PTPRN2: variants seen among roughly 807,000 people sequenced by gnomAD.
The protein encoded by PTPRN2 is protein tyrosine phosphatase receptor type N2, also known as receptor-type tyrosine-protein phosphatase N2.
PTPRN2 carries 74 observed loss-of-function variants against 118.8 expected under a neutral mutation model. The observed-to-expected ratio is 0.62, with a 90% confidence interval of 0.52 to 0.76. The LOEUF (loss-of-function observed/expected upper bound fraction) is 0.76. Ranked by LOEUF, PTPRN2 falls within the 30% of genes least tolerant of loss-of-function variation. The probability of loss-of-function intolerance (pLI) is 0.00; values close to 1 mark genes in which losing one functional copy is unlikely to be tolerated. For missense variants in PTPRN2, 1,481 were observed against 1,394.4 expected, an observed-to-expected ratio of 1.06 and a Z score of -0.99; for synonymous variants, 641 against 608.0, an observed-to-expected ratio of 1.05 and a Z score of -0.80.
At chr7:158,088,102 A>T (rs111583270) in intron 10 of PTPRN2, among the ~76,000 whole-genome samples, 1 of 59,058 alleles carries the variant, frequency 1.7e-5, no homozygotes, top group Non-Finnish European at 5.2e-5. Context: ...GGGAGTCTTC[A>T]CACAAACCTT....
At chr7:158,072,098 GTATGGAGGTGCTCATGGT>G (rs1486991208) in intron 11 of PTPRN2, among the ~76,000 whole-genome samples, 2 of 125,896 alleles carry the variant, frequency 1.6e-5, no homozygotes, top group African/African-American at 5.7e-5. Flanking sequence ...GGTGCTCGTA[GTATGGAGGTGCTCATGGT>G]GGTGGAGGTG....
intron 5 of PTPRN2, among the ~76,000 whole-genome samples, chr7:158,179,752 G>A (rs1158423918): frequency 6.6e-6 from 1 of 152,152 alleles, no homozygotes; most frequent in Non-Finnish European, 1.5e-5. Flanking sequence ...TTAAAACAGG[G>A]CCAAGGTGGA....
intron 11 of PTPRN2, among the ~76,000 whole-genome samples, chr7:158,032,123 C>T (rs539910591): frequency 2.0e-5 from 3 of 152,224 alleles, no homozygotes; most frequent in Non-Finnish European, 4.4e-5. Flanking sequence ...GCTTCCCTTT[C>T]GGAAACCTGC....
chr7:158,524,117 A>AGTC (rs200623300), intron 1 of PTPRN2, among the ~76,000 whole-genome samples: 1 of 65,536 alleles, frequency 1.5e-5, no homozygotes, highest in Non-Finnish European at 2.9e-5. Flanking sequence ...CCTGGAGTGG[A>AGTC]GTCTGCCCTG....
intron 11 of PTPRN2, among the ~76,000 whole-genome samples, chr7:158,057,431 T>A (rs559270181): frequency 6.6e-6 from 1 of 152,272 alleles, no homozygotes; most frequent in South Asian, 2.1e-4. Context: ...AGGACAAGCA[T>A]TTGGATTCCA....
At chr7:157,657,247 AT>A (rs1795561842) in intron 13 of PTPRN2, among the ~76,000 whole-genome samples, 1 of 109,094 alleles carries the variant, frequency 9.2e-6, no homozygotes, top group Non-Finnish European at 1.9e-5. Context: ...CACCACACAC[AT>A]CACACATATA....
intron 12 of PTPRN2, 62 bp downstream of exon 12, chr7:157,898,611 T>C (rs1797265902): frequency 1.4e-6 from 2 of 1,476,564 alleles, no homozygotes; most frequent in Admixed American, 1.7e-5. Context: ...TCTCACGGTG[T>C]TCGCCAGCAC....
At chr7:157,769,233 C>T (rs965213282) in intron 12 of PTPRN2, among the ~76,000 whole-genome samples, 4 of 152,098 alleles carry the variant, frequency 2.6e-5, no homozygotes, top group African/African-American at 7.2e-5. Context: ...CAACACATGC[C>T]GGTGATTTAT....
At chr7:158,362,637 T>TAAAG (rs1391607866) in intron 2 of PTPRN2, among the ~76,000 whole-genome samples, 1 of 152,170 alleles carries the variant, frequency 6.6e-6, no homozygotes, top group Non-Finnish European at 1.5e-5. Context: ...GTTTCTCTGC[T>TAAAG]AAAGATATAT....
At chr7:157,720,477 G>A (rs1238859253) in intron 12 of PTPRN2, among the ~76,000 whole-genome samples, 1 of 152,354 alleles carries the variant, frequency 6.6e-6, no homozygotes, top group Non-Finnish European at 1.5e-5. Flanking sequence ...CGGGTCAAGG[G>A]CAAATCCCAG....
chr7:158,313,126 C>A (rs187623672), intron 3 of PTPRN2, among the ~76,000 whole-genome samples: 172 of 151,420 alleles, frequency 1.1e-3, no homozygotes, highest in African/African-American at 3.9e-3. Context: ...GCAAATGTGT[C>A]TGTGTCTACA....
chr7:157,771,653 ACAGT>A (rs200818026), intron 12 of PTPRN2, among the ~76,000 whole-genome samples: 46 of 152,306 alleles, frequency 3.0e-4, no homozygotes, highest in African/African-American at 8.2e-4. Context: ...GTGCACACAC[ACAGT>A]CAGAGACACA....
rs922365223 is a variant in PTPRN2 at position 157,779,324 on chromosome 7, T to G, written c.1789-96387A>C. 6.6e-6 allele frequency among the ~76,000 whole-genome samples: 1 copy of G among 152,170 alleles called. No homozygotes were observed. Among genetic ancestry groups the G allele is most frequent in the Non-Finnish European group, 1.5e-5 (1 of 68,030 alleles). On this transcript the variant is annotated intron_variant, in intron 12 of 22. Coordinates refer to ENST00000389418, the MANE Select transcript of PTPRN2 (RefSeq NM_002847.5). The surrounding 1 kb of genome is among the most constrained non-coding windows in gnomAD (Gnocchi z 4.7). ...CTAACTGTTGCTACTCTTGGTGACC[T>G]GAGGTGAAAGGTCACGTGCTGGTCG... is the stretch of plus-strand genomic sequence containing the variant.
intron 12 of PTPRN2, among the ~76,000 whole-genome samples, chr7:157,684,665 C>A (rs987819351): frequency 7.3e-5 from 11 of 151,588 alleles, no homozygotes; most frequent in African/African-American, 2.7e-4. Context: ...GCCGCGCGAC[C>A]CAGCCCCAGA....
chr7:158,581,237 T>C (rs1000847472), intron 1 of PTPRN2, among the ~76,000 whole-genome samples: 1 of 152,236 alleles, frequency 6.6e-6, no homozygotes, highest in Non-Finnish European at 1.5e-5. Context: ...CCAGGTGTCC[T>C]GTGGTACATT....
chr7:157,549,322 C>CTT (rs5888720), intron 21 of PTPRN2, among the ~76,000 whole-genome samples: 3 of 139,506 alleles, frequency 2.2e-5, no homozygotes, highest in Non-Finnish European at 4.7e-5. Flanking sequence ...TCTTTCTTTT[C>CTT]TTTTTTTTTT....
chr7:157,873,350 A>T (rs73165878), intron 12 of PTPRN2, among the ~76,000 whole-genome samples: 30,656 of 152,250 alleles, frequency 0.2, 3,195 homozygotes, highest in East Asian at 0.25. Context: ...TACGCTTCCC[A>T]GTTTGCTCGC....
At chr7:157,819,303 G>A (rs896869511) in intron 12 of PTPRN2, among the ~76,000 whole-genome samples, 1 of 152,194 alleles carries the variant, frequency 6.6e-6, no homozygotes, top group African/African-American at 2.4e-5. Context: ...ACAGGAGTGT[G>A]GTAGAGGACT....
At chr7:158,055,856 A>G (rs117590591) in intron 11 of PTPRN2, among the ~76,000 whole-genome samples, 12,247 of 137,686 alleles carry the variant, frequency 0.089, 509 homozygotes, top group African/African-American at 0.11. Flanking sequence ...AGTTGTCCCC[A>G]GGGCCCAGCT....
Sources: allele counts gnomAD v4.1 joint callset (sites outside exome capture counted in the v4.1 genomes callset), GRCh38; gene constraint gnomAD v4.1.1; non-coding constraint Gnocchi (gnomAD v3.1); transcripts MANE v1.5; gene names NCBI Gene and HGNC (gene_info 2026-07-23, HGNC 2026-07-21).